Variants in MALRD1 observed in about 807,000 individuals in gnomAD.
MALRD1 encodes the protein MAM and LDL receptor class A domain containing 1, also known as MAM and LDL-receptor class A domain-containing protein 1.
Under a neutral mutation model 242.1 loss-of-function variants are expected in MALRD1, and 247 were observed. That is an observed-to-expected ratio of 1.02 (90% CI 0.92 to 1.13). The LOEUF (loss-of-function observed/expected upper bound fraction) is 1.13. Among genes scored for constraint, MALRD1 ranks in the 50% most tolerant of loss-of-function variants. MALRD1 has a pLI of 0.00. For synonymous variants in MALRD1, 995 were observed against 866.6 expected, an observed-to-expected ratio of 1.15 and a Z score of -2.60; for missense variants, 2,989 against 2,533.1, an observed-to-expected ratio of 1.18 and a Z score of -3.86.
At chr10:19,509,932 C>T (rs968739379) in intron 31 of MALRD1, among the ~76,000 whole-genome samples, 6 of 151,100 alleles carry the variant, frequency 4.0e-5, no homozygotes, top group Non-Finnish European at 8.9e-5. Flanking sequence ...GGGACCGGCG[C>T]TCAGCATACA....
intron 28 of MALRD1, among the ~76,000 whole-genome samples, chr10:19,403,155 T>C (rs1846942783): frequency 6.6e-6 from 1 of 152,116 alleles, no homozygotes; most frequent in South Asian, 2.1e-4. Flanking sequence ...AAAAAGAATT[T>C]ATGTTTTCCA....
At chr10:19,065,048 G>A (rs906561969) in intron 1 of MALRD1, among the ~76,000 whole-genome samples, 1 of 152,028 alleles carries the variant, frequency 6.6e-6, no homozygotes, top group Admixed American at 6.5e-5. Flanking sequence ...AGCACTTTGG[G>A]AGGCCGAGGC....
intron 36 of MALRD1, among the ~76,000 whole-genome samples, chr10:19,638,138 G>A (rs1182395571): frequency 1.4e-5 from 2 of 147,010 alleles, no homozygotes; most frequent in African/African-American, 2.5e-5. Context: ...ATAGAATTCG[G>A]TACCCATGGC....
intron 13 of MALRD1, 98 bp from the exon 14 acceptor site, chr10:19,175,110 G>T: frequency 2.4e-6 from 2 of 848,044 alleles, no homozygotes; most frequent in Non-Finnish European, 3.1e-6. Flanking sequence ...TGGAGAATGG[G>T]ACAGATGTAA....
chr10:19,365,326 T>A (rs1224760484), intron 26 of MALRD1, among the ~76,000 whole-genome samples: 2 of 152,096 alleles, frequency 1.3e-5, no homozygotes, highest in Non-Finnish European at 2.9e-5. Context: ...TGTAATTAAC[T>A]TAAATGCTTT....
At chr10:19,429,742 G>A (rs1834046525) in intron 28 of MALRD1, among the ~76,000 whole-genome samples, 1 of 151,792 alleles carries the variant, frequency 6.6e-6, no homozygotes, top group African/African-American at 2.4e-5. Context: ...TCTTGATATT[G>A]ATCTCATATT....
At chr10:19,364,018 T>A (rs923798621) in intron 26 of MALRD1, among the ~76,000 whole-genome samples, 4 of 151,806 alleles carry the variant, frequency 2.6e-5, no homozygotes, top group Non-Finnish European at 4.4e-5. Flanking sequence ...AAACACAGAA[T>A]CCTAGGGCAT....
At chr10:19,411,559 C>G (rs1473096527) in intron 28 of MALRD1, among the ~76,000 whole-genome samples, 2 of 152,168 alleles carry the variant, frequency 1.3e-5, no homozygotes, top group Admixed American at 1.3e-4. Flanking sequence ...GATCAGATAA[C>G]TAAGTTACAG....
In MALRD1 at chr10:19,118,233, C is replaced by G. The variant is rs75697071; in HGVS notation, c.695-5259C>G. 3.0e-4 allele frequency among the ~76,000 whole-genome samples: 46 copies of G among 152,200 alleles called. 1 individual carries two copies. In the East Asian group the frequency reaches 8.5e-3, roughly 28 times the overall value. On this transcript the variant is annotated intron_variant, in intron 5 of 39. Coordinates refer to ENST00000454679, the MANE Select transcript of MALRD1 (RefSeq NM_001142308.3). ...ATATGTTGACAAAAAGAGTCAAGCT[C>G]TGTAAAATATTAAAAGAGATTTATT...
chr10:19,211,951 G>A (rs1837091235), intron 18 of MALRD1, among the ~76,000 whole-genome samples: 1 of 152,192 alleles, frequency 6.6e-6, no homozygotes, highest in Non-Finnish European at 1.5e-5. Flanking sequence ...GAAAGAAATA[G>A]GATAGGAACA....
At chr10:19,148,806 T>C (rs1833824248) in intron 11 of MALRD1, among the ~76,000 whole-genome samples, 1 of 144,702 alleles carries the variant, frequency 6.9e-6, no homozygotes, top group Non-Finnish European at 1.5e-5. Context: ...TATATATATA[T>C]ATATCTGGAT....
rs995172997 is a variant in MALRD1, at chr10:19,569,643, G to A, written c.5680+1940G>A. Among the ~76,000 whole-genome samples the A allele has an allele frequency of 4.1e-5, 6 of 146,526 alleles. No homozygotes were observed. In the South Asian group the frequency reaches 1.3e-3, roughly 31 times the overall value. ...CTTTTATATATATATTCCATAATAT[G>A]TATATATATTATAAAATGTATTATT... On this transcript the variant is annotated intron_variant, in intron 33 of 39. Transcript: ENST00000454679.
intron 24 of MALRD1, among the ~76,000 whole-genome samples, chr10:19,339,991 A>C (rs1843774841): frequency 6.6e-6 from 1 of 152,098 alleles, no homozygotes. Flanking sequence ...CCATACTTTT[A>C]AACCATCAGA....
At chr10:19,603,001 G>C (rs757844284) in intron 34 of MALRD1, among the ~76,000 whole-genome samples, 6 of 152,156 alleles carry the variant, frequency 3.9e-5, no homozygotes, top group Non-Finnish European at 8.8e-5. Flanking sequence ...CTTCTTTTGA[G>C]AAGTGTCCAT....
intron 5 of MALRD1, among the ~76,000 whole-genome samples, chr10:19,115,196 C>A (rs1263575597): frequency 6.6e-6 from 1 of 152,122 alleles, no homozygotes; most frequent in Non-Finnish European, 1.5e-5. Flanking sequence ...CCTGCTTCTT[C>A]TCCTAGAAAC....
At chr10:19,341,300 T>C (rs4559584) in intron 24 of MALRD1, among the ~76,000 whole-genome samples, 20,535 of 151,608 alleles carry the variant, frequency 0.14, 1,408 homozygotes, top group South Asian at 0.16. Flanking sequence ...TATTATGATA[T>C]GTCTGGCATT....
intron 11 of MALRD1, among the ~76,000 whole-genome samples, chr10:19,151,764 G>T (rs903285628): frequency 2.0e-5 from 3 of 152,052 alleles, no homozygotes; most frequent in Non-Finnish European, 4.4e-5. Context: ...GTATTTTTCA[G>T]CATCTATTAT....
intron 14 of MALRD1, among the ~76,000 whole-genome samples, chr10:19,183,909 GTCTC>G (rs149422905): frequency 1.1e-4 from 17 of 151,928 alleles, no homozygotes; most frequent in African/African-American, 3.6e-4. Flanking sequence ...TTTTCAAGGA[GTCTC>G]TCTCTCTCTG....
At chr10:19,128,159 T>C in intron 7 of MALRD1, 62 bp from the exon 8 acceptor site, 1 of 1,141,148 alleles carries the variant, frequency 8.8e-7, no homozygotes, top group Non-Finnish European at 1.1e-6. Context: ...TGTAATAGTT[T>C]TAGTCAGACA....
Sources: allele counts gnomAD v4.1 joint callset (sites outside exome capture counted in the v4.1 genomes callset), GRCh38; gene constraint gnomAD v4.1.1; transcripts MANE v1.5; gene names NCBI Gene and HGNC (gene_info 2026-07-23, HGNC 2026-07-21).